NSRP1: variants seen among roughly 807,000 people sequenced by gnomAD.
NSRP1 encodes coiled-coil domain containing 55.
Under a neutral mutation model 54.7 loss-of-function variants are expected in NSRP1, and 24 were observed. The ratio of observed to expected loss-of-function variants is 0.44; its 90% CI spans 0.32 to 0.62. The LOEUF (loss-of-function observed/expected upper bound fraction) is 0.62. NSRP1 is among the 20% of genes least tolerant of loss of function. The pLI, the probability that NSRP1 is intolerant of heterozygous loss-of-function variation, is 0.06. For synonymous variants in NSRP1, 210 were observed against 213.8 expected, an observed-to-expected ratio of 0.98 and a Z score of 0.15; for missense variants, 596 against 651.2, an observed-to-expected ratio of 0.92 and a Z score of 0.92.
intron 2 of NSRP1, among the ~76,000 whole-genome samples, chr17:30,137,798 G>A (rs2071763306): frequency 1.3e-5 from 2 of 151,894 alleles, no homozygotes; most frequent in South Asian, 4.2e-4. Context: ...CTTAGTCTTG[G>A]TGTATTATTC....
intron 2 of NSRP1, among the ~76,000 whole-genome samples, chr17:30,153,324 C>G (rs542155490): frequency 6.6e-6 from 1 of 151,958 alleles, no homozygotes; most frequent in African/African-American, 2.4e-5. Flanking sequence ...TTTTTTCTCT[C>G]TCTCATTTAA....
intron 2 of NSRP1, among the ~76,000 whole-genome samples, chr17:30,119,405 G>T (rs1017874356): frequency 2.0e-5 from 3 of 151,948 alleles, no homozygotes; most frequent in African/African-American, 7.3e-5. Context: ...GAGAGACGGG[G>T]TTTCACCATG....
intron 2 of NSRP1, among the ~76,000 whole-genome samples, chr17:30,132,874 T>C (rs1281552287): frequency 6.6e-6 from 1 of 152,216 alleles, no homozygotes; most frequent in Non-Finnish European, 1.5e-5. Flanking sequence ...TTCCAGAAGG[T>C]TTTCAGTTTA....
intron 2 of NSRP1, among the ~76,000 whole-genome samples, chr17:30,155,918 C>T (rs929613098): frequency 2.6e-5 from 4 of 152,004 alleles, no homozygotes; most frequent in Admixed American, 2.0e-4. Context: ...TGGCTCACTG[C>T]ACCCTCCACC....
At chr17:30,133,466 C>T (rs946451449) in intron 2 of NSRP1, among the ~76,000 whole-genome samples, 1 of 151,178 alleles carries the variant, frequency 6.6e-6, no homozygotes, top group Non-Finnish European at 1.5e-5. Flanking sequence ...TTAAAATATT[C>T]AGTAAACCAA....
intron 3 of NSRP1, among the ~76,000 whole-genome samples, chr17:30,177,041 G>C (rs938288361): frequency 6.6e-6 from 1 of 151,048 alleles, no homozygotes; most frequent in East Asian, 2.0e-4. Flanking sequence ...ATTTACAACC[G>C]GGGGCAAAAG....
At chr17:30,144,289 C>A (rs1185361859) in intron 2 of NSRP1, 7 of 147,960 alleles carry the variant, frequency 4.7e-5, no homozygotes, top group Non-Finnish European at 1.0e-4. Context: ...GAAGCAGAGT[C>A]TCACTCTATT....
rs764817794 is a variant in NSRP1 at position 30,118,188 on chromosome 17, GT to G, written c.114+19del. 3 of 1,589,554 alleles carry G rather than the reference GT, an allele frequency of 1.9e-6. No homozygotes were observed. The highest frequency in any genetic ancestry group is 2.7e-5 in the African/African-American group (2 of 74,248). On this transcript the variant is annotated intron_variant, in intron 2 of 6. Transcript: ENST00000247026. ...ATGATGATGAGGTAAGGAAACCTAT[GT>G]TTTACTCGTGCATGGTTGGAAATGT...
chr17:30,176,618 C>A (rs55824513), intron 3 of NSRP1, among the ~76,000 whole-genome samples: 13,089 of 120,244 alleles, frequency 0.11, 1,667 homozygotes, highest in African/African-American at 0.31. Context: ...CCCCCCCCCC[C>A]AAAAAAAAAA....
intron 2 of NSRP1, among the ~76,000 whole-genome samples, chr17:30,139,452 A>C (rs1216187565): frequency 6.6e-6 from 1 of 152,056 alleles, no homozygotes; most frequent in Non-Finnish European, 1.5e-5. Flanking sequence ...TACCAGATCC[A>C]GTTTCATTAA....
rs1485598619 is a variant in NSRP1 at position 30,124,102 on chromosome 17, G to A, written c.114+5929G>A. 2.7e-5 allele frequency among the ~76,000 whole-genome samples: 4 copies of A among 150,698 alleles called. No individual in the cohort carries two copies. In the East Asian group the frequency reaches 5.8e-4, roughly 22 times the overall value. ...CCAGCCTGGGCAACAGCGAGACCCC[G>A]TCTCTATAAAAAAAAAAAAAGTGTG... On this transcript the variant is annotated intron_variant, in intron 2 of 6. Transcript: ENST00000247026.
At chr17:30,146,576 T>C (rs967964408) in intron 2 of NSRP1, among the ~76,000 whole-genome samples, 12 of 152,048 alleles carry the variant, frequency 7.9e-5, no homozygotes, top group Non-Finnish European at 1.3e-4. Context: ...CTGTGCCTTA[T>C]CTGCAGTTTA....
intron 2 of NSRP1, among the ~76,000 whole-genome samples, chr17:30,121,291 T>C (rs1386989773): frequency 6.6e-6 from 1 of 152,120 alleles, no homozygotes; most frequent in African/African-American, 2.4e-5. Context: ...AGTTTAAAAA[T>C]GCTTGTTAGA....
intron 3 of NSRP1, among the ~76,000 whole-genome samples, chr17:30,177,181 A>G (rs1905155156): frequency 6.6e-6 from 1 of 151,934 alleles, no homozygotes; most frequent in African/African-American, 2.4e-5. Flanking sequence ...GACCAGCCTG[A>G]GCAACATGGT....
chr17:30,117,168 C>T (rs1278851243), intron 1 of NSRP1: 3 of 701,792 alleles, frequency 4.3e-6, no homozygotes, highest in Non-Finnish European at 8.0e-6. Context: ...CTTCCTAACC[C>T]GCGCTTGAGT....
At chr17:30,138,347 G>C (rs576956254) in intron 2 of NSRP1, among the ~76,000 whole-genome samples, 1 of 152,096 alleles carries the variant, frequency 6.6e-6, no homozygotes, top group African/African-American at 2.4e-5. Context: ...ATTGTCCCTT[G>C]GTGTCCTTGG....
rs200181779 is a variant in NSRP1 at position 30,172,506 on chromosome 17, T to G, written c.115-36T>G. On this transcript the variant is annotated intron_variant, in intron 2 of 6. Coordinates refer to ENST00000247026, the MANE Select transcript of NSRP1 (RefSeq NM_032141.4). Reference sequence around the variant, plus strand: ...TCGTACTGGAAAAGAAATTTTAAATTTGTTTAAAAAGTGACAATATATTTC... The same window carrying G: ...TCGTACTGGAAAAGAAATTTTAAATGTGTTTAAAAAGTGACAATATATTTC... The G allele has an allele frequency of 1.9e-6, 3 of 1,550,878 alleles. No homozygotes were observed. The East Asian group carries it at 7.0e-5, about 36-fold the overall frequency.
At chr17:30,170,922 C>T (rs772299889) in intron 2 of NSRP1, among the ~76,000 whole-genome samples, 12 of 152,212 alleles carry the variant, frequency 7.9e-5, no homozygotes, top group Non-Finnish European at 7.3e-5. Flanking sequence ...CCTTTTCTGG[C>T]ACCCATGCTA....
intron 6 of NSRP1, among the ~76,000 whole-genome samples, chr17:30,183,711 A>G (rs553678906): frequency 1.1e-4 from 16 of 152,314 alleles, no homozygotes; most frequent in Non-Finnish European, 2.1e-4. Flanking sequence ...GCCAGCTGGA[A>G]CAATGAAGGT....
Sources: allele counts gnomAD v4.1 joint callset (sites outside exome capture counted in the v4.1 genomes callset), GRCh38; gene constraint gnomAD v4.1.1; transcripts MANE v1.5; gene names NCBI Gene and HGNC (gene_info 2026-07-23, HGNC 2026-07-21).